FER1L6: variants seen among roughly 807,000 people sequenced by gnomAD.
The protein encoded by FER1L6 is fer-1 like family member 6.
A neutral mutation model predicts 219.2 loss-of-function variants in FER1L6; 177 were observed. The ratio of observed to expected loss-of-function variants is 0.81; its 90% confidence interval spans 0.71 to 0.91. The LOEUF is 0.91. Among genes scored for constraint, FER1L6 ranks in the 40% least tolerant of loss-of-function variants. The pLI, the probability that FER1L6 is intolerant of heterozygous loss-of-function variation, is 0.00. For synonymous variants in FER1L6, 768 were observed against 824.3 expected (o/e 0.93, Z 1.17); for missense variants, 2,153 against 2,259.9 (o/e 0.95, Z 0.96).
chr8:123,949,736 G>A (rs76892183), intron 1 of FER1L6, among the ~76,000 whole-genome samples: 1,607 of 152,242 alleles, frequency 0.011, 35 homozygotes, highest in African/African-American at 0.037. Flanking sequence ...AATGTTCTGT[G>A]GGCAGGTAGA....
intron 33 of FER1L6, among the ~76,000 whole-genome samples, chr8:124,086,165 A>ACT (rs59243227): frequency 0.86 from 130,822 of 151,886 alleles, 56,528 homozygotes; most frequent in Non-Finnish European, 0.89. Context: ...CCATTCAGCC[A>ACT]CTGTGTCTTT....
intron 1 of FER1L6, 112 bp from the exon 2 acceptor site, chr8:123,955,880 A>T (rs1814991339): frequency 5.5e-6 from 5 of 905,128 alleles, no homozygotes; most frequent in South Asian, 1.6e-5. Context: ...TCCTGGGTGG[A>T]TGAGGAGGCT....
intron 1 of FER1L6, among the ~76,000 whole-genome samples, chr8:123,872,350 A>G (rs1468853597): frequency 6.6e-6 from 1 of 152,098 alleles, no homozygotes; most frequent in East Asian, 1.9e-4. Flanking sequence ...TATCAGACAA[A>G]TCACAATTGA....
intron 11 of FER1L6, among the ~76,000 whole-genome samples, chr8:123,981,540 G>A (rs903579380): frequency 1.3e-5 from 2 of 152,174 alleles, no homozygotes; most frequent in Non-Finnish European, 2.9e-5. Flanking sequence ...TCAACTAGGC[G>A]ATAATTTCGG....
At chr8:123,864,586 G>A (rs887245966) in intron 1 of FER1L6, among the ~76,000 whole-genome samples, 1 of 149,480 alleles carries the variant, frequency 6.7e-6, no homozygotes, top group Non-Finnish European at 1.5e-5. Flanking sequence ...TTTCCAACTT[G>A]GTTCCATTCT....
chr8:124,013,355 T>C (rs1818030131), intron 14 of FER1L6, 76 bp from the exon 15 acceptor site: 4 of 759,330 alleles, frequency 5.3e-6, no homozygotes, highest in Non-Finnish European at 8.1e-6. Context: ...TTATTTCTAG[T>C]ACATTATAAT....
chr8:123,981,717 G>C (rs1303065445), intron 11 of FER1L6, among the ~76,000 whole-genome samples: 2 of 152,036 alleles, frequency 1.3e-5, no homozygotes, highest in Non-Finnish European at 2.9e-5. Flanking sequence ...AGTGGTTGGA[G>C]CATAGGGCTG....
At chr8:123,867,164 C>T (rs552035112) in intron 1 of FER1L6, among the ~76,000 whole-genome samples, 1 of 152,174 alleles carries the variant, frequency 6.6e-6, no homozygotes, top group Admixed American at 6.5e-5. Context: ...GAGATTTTCT[C>T]CTGTGTTTTC....
At chr8:124,041,375 G>A (rs1819484601) in intron 20 of FER1L6, among the ~76,000 whole-genome samples, 1 of 152,184 alleles carries the variant, frequency 6.6e-6, no homozygotes, top group Admixed American at 6.5e-5. Context: ...GTTCTCCAGG[G>A]CAAAGCCCAT....
rs868607365 is a variant in FER1L6 at position 123,980,632 on chromosome 8, C to T, written c.1231C>T (p.Gln411Ter). Reference sequence around the variant, plus strand: ...TGTGGAAATCCTCTCAGGACGGGCACAGGAATCTAAATTTTCCAAGGCCCT... The same window carrying T: ...TGTGGAAATCCTCTCAGGACGGGCATAGGAATCTAAATTTTCCAAGGCCCT... ...IAVEILSGRA[Q>*]ESKFSKALKE... Residue 411 changes from glutamine (Q) to a stop codon, truncating the protein, a stop_gained, in exon 11 of 41, where the codon CAG (glutamine) becomes TAG (stop). Coordinates refer to ENST00000522917, the MANE Select transcript of FER1L6 (RefSeq NM_001039112.2). LOFTEE classifies it high-confidence loss of function. 6.2e-7 allele frequency: 1 copy of T among 1,614,108 alleles called. No homozygotes were observed.
intron 20 of FER1L6, among the ~76,000 whole-genome samples, chr8:124,041,802 A>G (rs1020879385): frequency 6.6e-6 from 1 of 152,216 alleles, no homozygotes; most frequent in African/African-American, 2.4e-5. Flanking sequence ...AGTATAGAGC[A>G]TGGTGATGAT....
rs1190484670 is a variant in FER1L6 at position 124,069,390 on chromosome 8, T to C, written c.3749T>C (p.Ile1250Thr). Reference protein sequence around the residue: ...EAKPDEVVVDIEDGPKKKKDK... With the variant: ...EAKPDEVVVDTEDGPKKKKDK... ...AAGCCAGATGAGGTAGTGGTAGATATAGAAGATGGGCCAAAGAAGAAGAAA... is the reference window on the plus strand; with the variant it reads ...AAGCCAGATGAGGTAGTGGTAGATACAGAAGATGGGCCAAAGAAGAAGAAA... The change falls in exon 29 of 41, where the codon ATA becomes ACA. Residue 1250 changes from isoleucine (I) to threonine (T), a missense_variant. Transcript: ENST00000522917. The C allele has an allele frequency of 7.4e-6, 12 of 1,612,746 alleles. No homozygotes were observed. Among genetic ancestry groups the C allele is most frequent in the African/African-American group, 2.7e-5 (2 of 74,820 alleles).
intron 1 of FER1L6, among the ~76,000 whole-genome samples, chr8:123,876,189 C>T (rs764510500): frequency 7.9e-5 from 12 of 152,212 alleles, no homozygotes; most frequent in Non-Finnish European, 1.8e-4. Flanking sequence ...CCTGTCTGCT[C>T]TTTCTTGAAT....
intron 1 of FER1L6, among the ~76,000 whole-genome samples, chr8:123,932,284 T>G (rs1326238418): frequency 6.6e-6 from 1 of 151,984 alleles, no homozygotes; most frequent in East Asian, 1.9e-4. Context: ...AATTTTTGTG[T>G]TTTTAGTAGA....
At chr8:123,945,617 A>G (rs1349809902) in intron 1 of FER1L6, among the ~76,000 whole-genome samples, 2 of 152,246 alleles carry the variant, frequency 1.3e-5, no homozygotes, top group African/African-American at 4.8e-5. Context: ...GATGATTGGA[A>G]GCTCTTTGTG....
Position 124,097,282 on chromosome 8 carries a change from G to T in FER1L6, c.4707G>T (p.Gln1569His), listed in dbSNP as rs1167290046. 6.2e-7 allele frequency: 1 copy of T among 1,613,160 alleles called. No individual in the cohort carries two copies. Residue 1569 changes from glutamine (Q) to histidine (H), a missense_variant, in exon 36 of 41, where the codon CAG becomes CAT. Physicochemically the swap from Gln to His is conservative, Grantham distance 24. Transcript: ENST00000522917. ...TTTTTCTTAACAAGGGCCGCCTGCA[G>T]ATGTGGGTGGACATGTTTCCCAAGG... ...DKPGMEQGRL[Q>H]MWVDMFPKDM...
At chr8:124,087,185 T>TCC (rs1563792149) in intron 33 of FER1L6, among the ~76,000 whole-genome samples, 1 of 152,184 alleles carries the variant, frequency 6.6e-6, no homozygotes, top group African/African-American at 2.4e-5. Context: ...TCTCTCTCTC[T>TCC]CTACCTCCTC....
At chr8:123,914,865 T>C (rs1406592268) in intron 1 of FER1L6, among the ~76,000 whole-genome samples, 1 of 152,156 alleles carries the variant, frequency 6.6e-6, no homozygotes, top group East Asian at 1.9e-4. Context: ...TAAAAGAAAC[T>C]ATTCCTCTTC....
intron 25 of FER1L6, among the ~76,000 whole-genome samples, chr8:124,064,061 T>G (rs1820713848): frequency 6.6e-6 from 1 of 152,114 alleles, no homozygotes; most frequent in Non-Finnish European, 1.5e-5. Context: ...ATTTTCATAA[T>G]CCCAATGACC....
Sources: gnomAD v4.1 joint callset for allele counts (sites outside exome capture counted in the v4.1 genomes callset) on GRCh38, gnomAD v4.1.1 for gene constraint, MANE v1.5 for transcripts, NCBI Gene and HGNC (gene_info 2026-07-23, HGNC 2026-07-21) for gene names.